TMC1: variants seen among roughly 807,000 people sequenced by gnomAD.
TMC1 encodes the protein transmembrane channel-like protein 1.
TMC1 carries 84 observed loss-of-function variants against 105.8 expected under a neutral mutation model. The observed-to-expected ratio is 0.79, with a 90% CI of 0.67 to 0.95. The LOEUF (loss-of-function observed/expected upper bound fraction) is 0.95. Among genes scored for constraint, TMC1 ranks in the 40% least tolerant of loss-of-function variants. The pLI is 0.00. For synonymous variants in TMC1, 315 were observed against 311.5 expected, an observed-to-expected ratio of 1.01 and a Z score of -0.12; for missense variants, 817 against 914.1, an observed-to-expected ratio of 0.89 and a Z score of 1.37.
intron 1 of TMC1, among the ~76,000 whole-genome samples, chr9:72,556,545 A>G (rs754761596): frequency 6.6e-6 from 1 of 151,276 alleles, no homozygotes; most frequent in Non-Finnish European, 1.5e-5. Context: ...TCAGACGGAC[A>G]TAGTGGCTCA....
chr9:72,567,975 C>G (rs1353971061), intron 1 of TMC1, among the ~76,000 whole-genome samples: 2 of 152,180 alleles, frequency 1.3e-5, no homozygotes, highest in South Asian at 4.2e-4. Flanking sequence ...GGCCAAATCT[C>G]CATCCTTGTG....
chr9:72,735,039 T>C (rs1827275002), intron 8 of TMC1, among the ~76,000 whole-genome samples: 2 of 152,236 alleles, frequency 1.3e-5, no homozygotes, highest in Non-Finnish European at 1.5e-5. Context: ...TGAAAGACCA[T>C]GAAACCTTAT....
chr9:72,625,055 CTG>C (rs2132130693), intron 3 of TMC1, among the ~76,000 whole-genome samples: 2 of 152,310 alleles, frequency 1.3e-5, no homozygotes, highest in South Asian at 4.1e-4. Flanking sequence ...TTCTTTGACA[CTG>C]TTTCCATCAA....
chr9:72,700,321 AC>A (rs767945052), intron 7 of TMC1, among the ~76,000 whole-genome samples, 196 bp from the exon 8 acceptor site: 1 of 151,950 alleles, frequency 6.6e-6, no homozygotes. Flanking sequence ...GGCAAACACT[AC>A]TGCTTAAAGT....
intron 2 of TMC1, among the ~76,000 whole-genome samples, chr9:72,579,132 C>T (rs184541227): frequency 2.6e-5 from 4 of 152,294 alleles, no homozygotes; most frequent in Admixed American, 2.6e-4. Flanking sequence ...GTTGTAATCA[C>T]ATTACTTATA....
At chr9:72,818,622 G>A (rs377461501) in intron 19 of TMC1, 5 of 152,008 alleles carry the variant, frequency 3.3e-5, no homozygotes, top group Non-Finnish European at 4.4e-5. Flanking sequence ...TGTACATGTC[G>A]CTGATGTAAT....
At chr9:72,535,142 G>GT (rs1301906230) in intron 1 of TMC1, among the ~76,000 whole-genome samples, 1 of 152,058 alleles carries the variant, frequency 6.6e-6, no homozygotes, top group East Asian at 1.9e-4. Flanking sequence ...ATGAAGGCAT[G>GT]TTTTCAGGGG....
At chr9:72,615,771 C>T (rs12346905) in intron 2 of TMC1, among the ~76,000 whole-genome samples, 39,091 of 145,692 alleles carry the variant, frequency 0.27, 5,415 homozygotes, top group African/African-American at 0.32. Context: ...TTTTTTTCTT[C>T]GAGATAGGGT....
chr9:72,649,417 A>G lies in TMC1; in HGVS notation c.16+753A>G, dbSNP rs139857684. Among the ~76,000 whole-genome samples the G allele has an allele frequency of 2.4e-3, 363 of 152,306 alleles. 3 individuals carry two copies. The highest frequency in any genetic ancestry group is 8.1e-3 in the African/African-American group (336 of 41,572). The stretch of plus-strand genomic sequence containing the variant: ...CTGTATAGACTGTCTAGTCCAGATA[A>G]TCTTGCTATCAGTCATTTTGTTAGC... On this transcript the variant is annotated intron_variant, in intron 5 of 23. Transcript: ENST00000297784.
intron 5 of TMC1, chr9:72,656,318 A>G: frequency 5.1e-6 from 1 of 196,802 alleles, no homozygotes; most frequent in Non-Finnish European, 1.0e-5. Context: ...GAGGTGTTTC[A>G]TGTTTTAAAA....
At chr9:72,833,321 G>T (rs541256944) in intron 23 of TMC1, among the ~76,000 whole-genome samples, 5 of 152,180 alleles carry the variant, frequency 3.3e-5, no homozygotes, top group African/African-American at 1.2e-4. Context: ...TTTCAGTGAT[G>T]CATTTAATTT....
chr9:72,698,500 G>A (rs1326403872), intron 7 of TMC1, among the ~76,000 whole-genome samples: 1 of 152,092 alleles, frequency 6.6e-6, no homozygotes, highest in Non-Finnish European at 1.5e-5. Flanking sequence ...TACTGAATTG[G>A]ATTACAATTT....
intron 6 of TMC1, among the ~76,000 whole-genome samples, chr9:72,693,572 C>T (rs543572246): frequency 6.6e-6 from 1 of 152,078 alleles, no homozygotes; most frequent in African/African-American, 2.4e-5. Flanking sequence ...AGGTATGCTG[C>T]AGATAATTCA....
intron 8 of TMC1, among the ~76,000 whole-genome samples, chr9:72,730,695 T>C (rs1023210445): frequency 1.3e-5 from 2 of 152,194 alleles, no homozygotes; most frequent in African/African-American, 4.8e-5. Context: ...CATTGTAATA[T>C]ATAATGAAAT....
intron 4 of TMC1, among the ~76,000 whole-genome samples, chr9:72,633,008 CAA>C (rs373596116): frequency 2.2e-5 from 3 of 135,124 alleles, no homozygotes; most frequent in Non-Finnish European, 1.6e-5. Context: ...ACTATTCTGC[CAA>C]AAAAAAAAAA....
At chr9:72,591,894 G>A (rs1243646103) in intron 2 of TMC1, among the ~76,000 whole-genome samples, 1 of 152,208 alleles carries the variant, frequency 6.6e-6, no homozygotes, top group African/African-American at 2.4e-5. Flanking sequence ...AGATATCTGG[G>A]TATCATTGAT....
At chr9:72,656,791 C>T (rs1413510274) in intron 5 of TMC1, among the ~76,000 whole-genome samples, 3 of 151,868 alleles carry the variant, frequency 2.0e-5, no homozygotes, top group South Asian at 2.1e-4. Flanking sequence ...TTTTTTTCCC[C>T]CCTCCGGGAT....
intron 5 of TMC1, among the ~76,000 whole-genome samples, chr9:72,659,170 A>G (rs930645613): frequency 1.3e-5 from 2 of 152,188 alleles, no homozygotes; most frequent in Non-Finnish European, 2.9e-5. Flanking sequence ...TTGGAATAGG[A>G]TGTGAGATTA....
rs376392146 is a variant in TMC1 at position 72,543,952 on chromosome 9, C to CTTTCTTTCTT, written c.-428+22042_-428+22043insCTTTCTTTTT. 1.0e-3 allele frequency among the ~76,000 whole-genome samples: 140 copies of CTTTCTTTCTT among 134,366 alleles called. 1 individual carries two copies. The highest frequency in any genetic ancestry group is 1.5e-3 in the African/African-American group (52 of 34,992). 88.1% of individuals were successfully genotyped at this position (134,366 alleles called of 152,430 possible). A position where few individuals can be genotyped will look rare whatever the true frequency, so the allele number is the denominator to read the frequency against. Reference sequence around the variant, plus strand: ...AGTTTCTTTTTCTTTTTCTTTCTTTCTTTTTTTTTTTTTTTTTGAGATGGA... The same window carrying CTTTCTTTCTT: ...AGTTTCTTTTTCTTTTTCTTTCTTTCTTTCTTTCTTTTTTTTTTTTTTTTTTTGAGATGGA... On this transcript the variant is annotated intron_variant, in intron 1 of 23. Coordinates refer to ENST00000297784, the MANE Select transcript of TMC1 (RefSeq NM_138691.3).
Sources: allele counts gnomAD v4.1 joint callset (sites outside exome capture counted in the v4.1 genomes callset), GRCh38; gene constraint gnomAD v4.1.1; transcripts MANE v1.5; gene names NCBI Gene and HGNC (gene_info 2026-07-23, HGNC 2026-07-21).